The following LRRC4C variants were observed in gnomAD, a reference collection of about 807,000 sequenced individuals.
LRRC4C encodes leucine-rich repeat-containing protein 4C.
In LRRC4C, 5 loss-of-function variants were observed where a neutral mutation model predicts 33.6. That is an observed-to-expected ratio of 0.15 (90% confidence interval 0.08 to 0.31). The LOEUF is 0.31. Ranked by LOEUF, LRRC4C falls within the 10% of genes least tolerant of loss-of-function variation. The pLI is 1.00. For synonymous variants in LRRC4C, 329 were observed against 302.0 expected (o/e 1.09, Z -0.93); for missense variants, 560 against 796.7 (o/e 0.70, Z 3.58).
chr11:40,336,950 C>G (rs1454698884), intron 3 of LRRC4C, among the ~76,000 whole-genome samples: 1 of 116,146 alleles, frequency 8.6e-6, no homozygotes, highest in Non-Finnish European at 1.6e-5. Context: ...GCACTCCAGC[C>G]TGGGGGACAG....
At chr11:40,963,815 T>G (rs1851136589) in intron 1 of LRRC4C, among the ~76,000 whole-genome samples, 1 of 151,794 alleles carries the variant, frequency 6.6e-6, no homozygotes, top group Admixed American at 6.6e-5. Context: ...AAATAACGAT[T>G]TAAGTGTTTG....
intron 1 of LRRC4C, among the ~76,000 whole-genome samples, chr11:41,407,290 T>C (rs998307019): frequency 6.6e-6 from 1 of 151,766 alleles, no homozygotes; most frequent in African/African-American, 2.4e-5. Flanking sequence ...TTGATTAACA[T>C]TGAATTTTTC....
intron 3 of LRRC4C, among the ~76,000 whole-genome samples, chr11:40,438,823 A>G (rs1224625867): frequency 6.6e-6 from 1 of 152,076 alleles, no homozygotes; most frequent in Non-Finnish European, 1.5e-5. Context: ...AATAATGTCA[A>G]TATCTATTCT....
chr11:40,882,498 T>C (rs1955232127), intron 2 of LRRC4C, among the ~76,000 whole-genome samples: 1 of 152,062 alleles, frequency 6.6e-6, no homozygotes, highest in Non-Finnish European at 1.5e-5. Flanking sequence ...TTTCCAGCCT[T>C]ATGTCCCAAT....
At chr11:40,886,377 A>C (rs960260657) in intron 2 of LRRC4C, among the ~76,000 whole-genome samples, 1 of 149,882 alleles carries the variant, frequency 6.7e-6, no homozygotes, top group Non-Finnish European at 1.5e-5. Context: ...TAGAAGTGCT[A>C]CTGTAGTCCA....
At chr11:40,628,403 G>A (rs971457237) in intron 3 of LRRC4C, among the ~76,000 whole-genome samples, 2 of 152,076 alleles carry the variant, frequency 1.3e-5, no homozygotes, top group Non-Finnish European at 2.9e-5. Flanking sequence ...GCGTGAACCC[G>A]GGAGGCAGAG....
intron 2 of LRRC4C, among the ~76,000 whole-genome samples, chr11:40,840,950 C>T (rs1357469441): frequency 6.6e-6 from 1 of 152,086 alleles, no homozygotes; most frequent in Non-Finnish European, 1.5e-5. Context: ...AATTGATAAA[C>T]AAAAAGTCTA....
At chr11:40,411,088 A>G (rs1435045323) in intron 3 of LRRC4C, among the ~76,000 whole-genome samples, 1 of 152,126 alleles carries the variant, frequency 6.6e-6, no homozygotes, top group African/African-American at 2.4e-5. Flanking sequence ...ATATCATAAA[A>G]GTAAGTCAGT....
chr11:40,898,535 T>C (rs1183304620), intron 2 of LRRC4C, among the ~76,000 whole-genome samples: 1 of 151,690 alleles, frequency 6.6e-6, no homozygotes, highest in Non-Finnish European at 1.5e-5. Flanking sequence ...TCTAAATTCA[T>C]GCTTCACAAA....
intron 2 of LRRC4C, among the ~76,000 whole-genome samples, chr11:40,854,245 C>A (rs1352428998): frequency 6.6e-6 from 1 of 152,062 alleles, no homozygotes; most frequent in Admixed American, 6.6e-5. Context: ...GTTATGGAAT[C>A]GATTCTAACA....
At chr11:41,250,334 T>C (rs1209055277) in intron 1 of LRRC4C, among the ~76,000 whole-genome samples, 1 of 152,230 alleles carries the variant, frequency 6.6e-6, no homozygotes, top group South Asian at 2.1e-4. Flanking sequence ...TCATTAGGAA[T>C]GATACATCTT....
intron 1 of LRRC4C, among the ~76,000 whole-genome samples, chr11:40,985,201 T>C (rs948248703): frequency 5.9e-5 from 9 of 152,122 alleles, no homozygotes; most frequent in Admixed American, 5.9e-4. Context: ...TTCATCACTA[T>C]TGTCTTTTGA....
At chr11:41,002,601 A>G (rs1352441035) in intron 1 of LRRC4C, among the ~76,000 whole-genome samples, 1 of 152,222 alleles carries the variant, frequency 6.6e-6, no homozygotes, top group Non-Finnish European at 1.5e-5. Context: ...AATTAAGGCC[A>G]GAATTACAAA....
At chr11:40,174,162 T>A (rs542298822) in intron 5 of LRRC4C, among the ~76,000 whole-genome samples, 1 of 152,318 alleles carries the variant, frequency 6.6e-6, no homozygotes, top group African/African-American at 2.4e-5. Context: ...ATGAAATACA[T>A]GCTAGATAAT....
Position 40,545,128 on chromosome 11 carries a change from A to G in LRRC4C, c.-270+103014T>C, listed in dbSNP as rs554318545. 2.0e-5 allele frequency among the ~76,000 whole-genome samples: 3 copies of G among 151,986 alleles called. No homozygotes were observed. The East Asian group carries it at 5.8e-4, about 29-fold the overall frequency. ...ATCATCACCCAAGCAAAAAACATCA[A>G]TTTCTCTCCCATATTTTCACAGCAC... On this transcript the variant is annotated intron_variant, in intron 3 of 6. Transcript: ENST00000528697.
intron 1 of LRRC4C, among the ~76,000 whole-genome samples, chr11:41,192,398 TACACACAC>T (rs148065178): frequency 3.2e-4 from 46 of 145,884 alleles, no homozygotes; most frequent in Admixed American, 1.3e-3. Context: ...AAGAAGATCA[TACACACAC>T]ACACACACAC....
At chr11:40,737,562 C>T (rs185094060) in intron 2 of LRRC4C, among the ~76,000 whole-genome samples, 143 of 140,356 alleles carry the variant, frequency 1.0e-3, no homozygotes, top group Non-Finnish European at 2.0e-3. Flanking sequence ...ACAAGCATTC[C>T]TATACACCAA....
At chr11:41,042,561 T>A (rs1258374531) in intron 1 of LRRC4C, among the ~76,000 whole-genome samples, 1 of 152,134 alleles carries the variant, frequency 6.6e-6, no homozygotes, top group African/African-American at 2.4e-5. Context: ...CTGGGTTCCC[T>A]CCACCTCCCT....
chr11:41,280,834 G>A (rs555427484), intron 1 of LRRC4C, among the ~76,000 whole-genome samples: 1 of 152,046 alleles, frequency 6.6e-6, no homozygotes, highest in Non-Finnish European at 1.5e-5. Context: ...TGAAAGGCTA[G>A]CTAAGTAAAG....
Sources: gnomAD v4.1 joint callset for allele counts (sites outside exome capture counted in the v4.1 genomes callset) on GRCh38, gnomAD v4.1.1 for gene constraint, MANE v1.5 for transcripts, NCBI Gene and HGNC (gene_info 2026-07-23, HGNC 2026-07-21) for gene names.